Variants in MICAL3 observed in about 807,000 individuals in gnomAD.
The protein encoded by MICAL3 is [F-actin]-monooxygenase MICAL3.
Under a neutral mutation model 207.4 loss-of-function variants are expected in MICAL3, and 62 were observed. That is an observed-to-expected ratio of 0.30 (90% CI 0.24 to 0.37). MICAL3 has a LOEUF of 0.37. Ranked by LOEUF, MICAL3 falls within the 10% of genes least tolerant of loss-of-function variation. MICAL3 has a pLI of 1.00. For missense variants in MICAL3, 2,368 were observed against 2,635.6 expected (o/e 0.90, Z 2.22); for synonymous variants, 1,077 against 1,069.3 (o/e 1.01, Z -0.14).
rs765717360 is a variant in MICAL3, at chr22:17,904,584, C to G, written c.472+48G>C. On this transcript the variant is annotated intron_variant, in intron 3 of 31. Coordinates refer to ENST00000441493, the MANE Select transcript of MICAL3 (RefSeq NM_015241.3). ...TGCCTGTCTCTTTCTACTGAACAAG[C>G]GTGCAAGGGGTAGGGTGGAATCTTA... 2.2e-6 allele frequency: 3 copies of G among 1,385,312 alleles called. No homozygotes were observed. In the South Asian group the frequency reaches 3.5e-5, roughly 16 times the overall value. 85.8% of individuals were successfully genotyped at this position (1,385,312 alleles called of 1,614,324 possible). A position where few individuals can be genotyped will look rare whatever the true frequency, so the allele number is the denominator to read the frequency against.
At chr22:17,929,910 A>G (rs1018397516) in intron 1 of MICAL3, among the ~76,000 whole-genome samples, 4 of 152,180 alleles carry the variant, frequency 2.6e-5, no homozygotes, top group Non-Finnish European at 5.9e-5. Flanking sequence ...TTAAAGCAAA[A>G]GGGCTATGTG....
At chr22:18,013,595 C>T (rs1923876556) in intron 1 of MICAL3, among the ~76,000 whole-genome samples, 2 of 152,292 alleles carry the variant, frequency 1.3e-5, no homozygotes, top group East Asian at 1.9e-4. Flanking sequence ...TGTAGCAATG[C>T]CGAAGCCACA....
In MICAL3 at chr22:17,791,279, G is replaced by C. The variant is rs1247458401; in HGVS notation, c.5673C>G (p.Pro1891=). ...GEAGMGKKDD[P]KLMQEWFKLV... ...GCTTGAACCACTCCTGCATCAGCTT[G>C]GGGTCGTCCTTCTTGCCCATGCCTG... Residue 1891 remains proline (P), a synonymous_variant, in exon 30 of 32, where the codon CCC becomes CCG. Transcript: ENST00000441493. 1.9e-6 allele frequency: 3 copies of C among 1,613,714 alleles called. No homozygotes were observed. The South Asian group carries it at 3.3e-5, about 18-fold the overall frequency.
At chr22:17,984,717 G>A (rs394843) in intron 1 of MICAL3, among the ~76,000 whole-genome samples, 89,227 of 152,154 alleles carry the variant, frequency 0.59, 26,637 homozygotes, top group Middle Eastern at 0.71. Flanking sequence ...TTTATTAAAC[G>A]CTTATAGCAC....
chr22:17,912,721 T>A (rs1390609649), intron 1 of MICAL3, among the ~76,000 whole-genome samples: 1 of 152,230 alleles, frequency 6.6e-6, no homozygotes, highest in African/African-American at 2.4e-5. Flanking sequence ...TTGAACAGGT[T>A]TTTCTGGTGG....
chr22:17,852,944 A>G (rs1925491826), intron 19 of MICAL3, among the ~76,000 whole-genome samples: 1 of 152,070 alleles, frequency 6.6e-6, no homozygotes, highest in African/African-American at 2.4e-5. Context: ...GCGTGGTGGT[A>G]TGTGACTGTA....
intron 1 of MICAL3, among the ~76,000 whole-genome samples, chr22:17,928,083 G>A (rs574250298): frequency 2.0e-5 from 3 of 152,298 alleles, no homozygotes; most frequent in South Asian, 2.1e-4. Context: ...GCAGCATAGC[G>A]TGGTGGACAC....
chr22:17,880,383 G>A (rs936115178), intron 16 of MICAL3, among the ~76,000 whole-genome samples: 7 of 152,240 alleles, frequency 4.6e-5, no homozygotes, highest in African/African-American at 1.7e-4. Context: ...GACAGCGGAC[G>A]CTGAGGACGG....
In MICAL3 at chr22:17,887,344, G is replaced by C; in HGVS notation, c.1983C>G (p.Ile661Met). The C allele has an allele frequency of 6.2e-7, 1 of 1,613,960 alleles. No homozygotes were observed. The highest frequency in any genetic ancestry group is 8.5e-7 in the Non-Finnish European group (1 of 1,179,814). The stretch of plus-strand genomic sequence containing the variant: ...ATACCTTGGGAGAACGCTTCCGAGA[G>C]ATGGTCTGGCCAAGTTTGCTTAGGA... ...ISFLSKLGQTISRKRSPKDKK... is the reference protein window; with the variant it reads ...ISFLSKLGQTMSRKRSPKDKK... The change falls in exon 14 of 32, where the codon ATC becomes ATG. Residue 661 changes from isoleucine to methionine, a missense_variant. By Grantham distance (10) the Ile-to-Met change is conservative. Around this residue, in one of 4 missense-constraint regions of MICAL3, gnomAD observed 1,770 missense variants for 1,863.2 expected, o/e 0.95. Coordinates refer to ENST00000441493, the MANE Select transcript of MICAL3 (RefSeq NM_015241.3).
chr22:17,798,046 T>C (rs1467503345), intron 29 of MICAL3, among the ~76,000 whole-genome samples: 1 of 152,182 alleles, frequency 6.6e-6, no homozygotes, highest in Admixed American at 6.5e-5. Flanking sequence ...GGGAGACTTC[T>C]AGAGCCCAGA....
At chr22:17,879,635 C>T (rs1025151701) in intron 16 of MICAL3, among the ~76,000 whole-genome samples, 2 of 152,148 alleles carry the variant, frequency 1.3e-5, no homozygotes, top group Admixed American at 6.5e-5. Flanking sequence ...GCCAGCTACA[C>T]GGATCAATGA....
At chr22:18,003,814 G>A (rs796073118) in intron 1 of MICAL3, among the ~76,000 whole-genome samples, 2 of 151,684 alleles carry the variant, frequency 1.3e-5, no homozygotes, top group African/African-American at 2.4e-5. Flanking sequence ...TGTGTTGCAA[G>A]TCTGGAGTGC....
At position 17,788,621 on chromosome 22, in the gene MICAL3, C is replaced by T. The variant is rs542478584; in HGVS notation, c.*2111G>A. On this transcript the variant is annotated 3_prime_UTR_variant, in exon 32 of 32. Transcript: ENST00000441493. ...TTTGAAGATGGAATCTAGAAACCCTCCTCTCCCCTTTTTTAAGTAAAGAGA... is the reference window on the plus strand; with the variant it reads ...TTTGAAGATGGAATCTAGAAACCCTTCTCTCCCCTTTTTTAAGTAAAGAGA... The T allele has an allele frequency of 1.3e-5, 2 of 152,374 alleles. No individual in the cohort carries two copies. The highest frequency in any genetic ancestry group is 4.8e-5 in the African/African-American group (2 of 41,590). 9.4% of individuals were successfully genotyped at this position (152,374 alleles called of 1,614,324 possible).
Position 17,863,575 on chromosome 22 carries a change from T to C in MICAL3, c.2605+1324A>G, listed in dbSNP as rs546876391. ...TAATGGTTGAAACATGGCTATAAAATGTTGGTCCCACCTGCAGGGTACTTA... is the reference window on the plus strand; with the variant it reads ...TAATGGTTGAAACATGGCTATAAAACGTTGGTCCCACCTGCAGGGTACTTA... On this transcript the variant is annotated intron_variant, in intron 19 of 31. Coordinates refer to ENST00000441493, the MANE Select transcript of MICAL3 (RefSeq NM_015241.3). 5.1e-6 allele frequency: 5 copies of C among 985,442 alleles called. No individual in the cohort carries two copies. In the African/African-American group the frequency reaches 8.7e-5, roughly 17 times the overall value. 61.0% of individuals were successfully genotyped at this position (985,442 alleles called of 1,614,324 possible).
intron 1 of MICAL3, among the ~76,000 whole-genome samples, chr22:17,953,079 G>A (rs1934426991): frequency 6.6e-6 from 1 of 152,150 alleles, no homozygotes; most frequent in Non-Finnish European, 1.5e-5. Context: ...AGCATAAGGT[G>A]TGCACAGCCA....
At position 17,992,745 on chromosome 22, in the gene MICAL3, C is replaced by A. The variant is rs184502617; in HGVS notation, c.-75+31536G>T. On this transcript the variant is annotated intron_variant, in intron 1 of 31. Transcript: ENST00000441493. ...CTACCACCTGTGAATTTCTTCCCTG[C>A]CTCATACTGTCTTTTTCTGCCCCAT... Among the ~76,000 whole-genome samples, 26 of 152,290 alleles carry A rather than the reference C, an allele frequency of 1.7e-4. No individual in the cohort carries two copies. The East Asian group carries it at 5.0e-3, about 29-fold the overall frequency.
intron 1 of MICAL3, among the ~76,000 whole-genome samples, chr22:17,931,195 T>TA (rs1933246973): frequency 6.6e-6 from 1 of 152,192 alleles, no homozygotes; most frequent in Non-Finnish European, 1.5e-5. Flanking sequence ...CTCCCCTGAC[T>TA]AAACCCTGCT....
intron 1 of MICAL3, among the ~76,000 whole-genome samples, chr22:17,990,588 C>G (rs1921567479): frequency 6.6e-6 from 1 of 152,182 alleles, no homozygotes; most frequent in Non-Finnish European, 1.5e-5. Context: ...GTCACACACT[C>G]TAGTAACCGG....
At position 17,965,329 on chromosome 22, in the gene MICAL3, C is replaced by A. The variant is rs9618176; in HGVS notation, c.-74-58443G>T. On this transcript the variant is annotated intron_variant, in intron 1 of 31. Transcript: ENST00000441493. Reference sequence around the variant, plus strand: ...CCCCTAAAAGACCCTGGAACTGGCACAAGGGTGCCTATAATTTCAATGCTT... The same window carrying A: ...CCCCTAAAAGACCCTGGAACTGGCAAAAGGGTGCCTATAATTTCAATGCTT... Among the ~76,000 whole-genome samples, 824 of 152,274 alleles carry A rather than the reference C, an allele frequency of 5.4e-3. 6 individuals are homozygous for A. The highest frequency in any genetic ancestry group is 0.018 in the African/African-American group (767 of 41,552).
Sources: gnomAD v4.1 joint callset for allele counts (sites outside exome capture counted in the v4.1 genomes callset) on GRCh38, gnomAD v4.1.1 for gene constraint, gnomAD v4.1.1 regional missense constraint, MANE v1.5 for transcripts, NCBI Gene and HGNC (gene_info 2026-07-23, HGNC 2026-07-21) for gene names.